ALKBH8: variants seen among roughly 807,000 people sequenced by gnomAD.
ALKBH8 encodes the protein alkB homolog 8, tRNA methyltransferase, also known as tRNA (carboxymethyluridine(34)-5-O)-methyltransferase ALKBH8.
In ALKBH8, 36 loss-of-function variants were observed where a neutral mutation model predicts 59.8. The ratio of observed to expected loss-of-function variants is 0.60; its 90% CI spans 0.46 to 0.79. The LOEUF (loss-of-function observed/expected upper bound fraction) is 0.79, where lower values mean the gene tolerates loss of function less well. Among genes scored for constraint, ALKBH8 ranks in the 30% least tolerant of loss-of-function variants. The pLI, the probability that ALKBH8 is intolerant of heterozygous loss-of-function variation, is 0.00. For synonymous variants in ALKBH8, 276 were observed against 273.6 expected (o/e 1.01, Z -0.09); for missense variants, 768 against 801.0 (o/e 0.96, Z 0.50).
chr11:107,524,839 T>A (rs79129769), intron 9 of ALKBH8, among the ~76,000 whole-genome samples: 2,030 of 152,290 alleles, frequency 0.013, 24 homozygotes, highest in South Asian at 0.034. Context: ...ATTACTATCA[T>A]TACAAAATAT....
chr11:107,511,142 A>C, intron 10 of ALKBH8, 106 bp from the exon 11 acceptor site: 1 of 1,157,864 alleles, frequency 8.6e-7, no homozygotes, highest in Non-Finnish European at 1.2e-6. Flanking sequence ...TACCATATTC[A>C]TTGTGAAATG....
rs1862246687 is a variant in ALKBH8 at position 107,503,197 on chromosome 11, C to T, written c.*1461G>A. 6.6e-6 allele frequency: 1 copy of T among 152,078 alleles called. No homozygotes were observed. Among genetic ancestry groups the T allele is most frequent in the South Asian group, 2.1e-4 (1 of 4,830 alleles). The allele number at this position is 152,078 out of a possible 1,614,324, so 9.4% of individuals were successfully genotyped here. ...ACCAGAATTTATATCAGAAATAAAACTATTTTTAGCCCTATATTCCTTTTC... is the reference window on the plus strand; with the variant it reads ...ACCAGAATTTATATCAGAAATAAAATTATTTTTAGCCCTATATTCCTTTTC... On this transcript the variant is annotated 3_prime_UTR_variant, in exon 12 of 12. Transcript: ENST00000428149.
intron 9 of ALKBH8, 43 bp downstream of exon 9, chr11:107,525,397 TA>T (rs1458635896): frequency 6.7e-7 from 1 of 1,489,128 alleles, no homozygotes. Flanking sequence ...ACTTTTATAT[TA>T]AACTGACTCC....
At chr11:107,542,033 A>G (rs974248758) in intron 7 of ALKBH8, among the ~76,000 whole-genome samples, 3 of 152,162 alleles carry the variant, frequency 2.0e-5, no homozygotes, top group South Asian at 4.1e-4. Flanking sequence ...GACAGAAGAA[A>G]CTATTTAGAG....
intron 1 of ALKBH8, among the ~76,000 whole-genome samples, chr11:107,563,096 A>C (rs926226490): frequency 1.2e-4 from 19 of 152,222 alleles, no homozygotes; most frequent in African/African-American, 4.6e-4. Context: ...TGAGATACAG[A>C]GTTGCAATGT....
At chr11:107,518,192 CATT>C (rs1245062972) in intron 10 of ALKBH8, among the ~76,000 whole-genome samples, 1 of 151,870 alleles carries the variant, frequency 6.6e-6, no homozygotes, top group Admixed American at 6.6e-5. Flanking sequence ...TTATATAAAA[CATT>C]AATAGGAAAA....
At chr11:107,522,626 TG>T in intron 9 of ALKBH8, 71 bp from the exon 10 acceptor site, 1 of 1,441,474 alleles carries the variant, frequency 6.9e-7, no homozygotes, top group Non-Finnish European at 9.1e-7. Context: ...TTTTCTTAAA[TG>T]AAAAAAAAAA....
At chr11:107,527,511 T>G (rs976629893) in intron 8 of ALKBH8, among the ~76,000 whole-genome samples, 1 of 152,058 alleles carries the variant, frequency 6.6e-6, no homozygotes, top group Non-Finnish European at 1.5e-5. Context: ...CATATTTCAC[T>G]CCATCTGTTG....
intron 3 of ALKBH8, among the ~76,000 whole-genome samples, chr11:107,555,283 T>A (rs1214356275): frequency 6.6e-6 from 1 of 152,082 alleles, no homozygotes; most frequent in Non-Finnish European, 1.5e-5. Context: ...AAAAACTATT[T>A]GTGACACACT....
chr11:107,535,486 T>A (rs961435773), intron 7 of ALKBH8, among the ~76,000 whole-genome samples: 1 of 152,196 alleles, frequency 6.6e-6, no homozygotes, highest in Admixed American at 6.5e-5. Context: ...GTGGTTTTGA[T>A]TTGCATTTCC....
intron 1 of ALKBH8, chr11:107,565,397 A>G (rs1169921216): frequency 4.7e-6 from 3 of 644,012 alleles, no homozygotes; most frequent in Non-Finnish European, 7.9e-6. Flanking sequence ...CCAAACACAA[A>G]CACATGCACC....
intron 11 of ALKBH8, 84 bp from the exon 12 acceptor site, chr11:107,505,299 T>C: frequency 9.6e-7 from 1 of 1,044,734 alleles, no homozygotes; most frequent in East Asian, 2.6e-5. Context: ...CTGTTTTCAA[T>C]TAGGATGAAC....
At chr11:107,508,460 A>T (rs191768998) in intron 11 of ALKBH8, among the ~76,000 whole-genome samples, 7 of 152,348 alleles carry the variant, frequency 4.6e-5, no homozygotes, top group African/African-American at 1.7e-4. Flanking sequence ...GGCGTGAGCC[A>T]CGACAGCTGG....
chr11:107,543,358 T>C (rs1440652657), intron 7 of ALKBH8, among the ~76,000 whole-genome samples: 1 of 152,142 alleles, frequency 6.6e-6, no homozygotes, highest in African/African-American at 2.4e-5. Context: ...GAATGTTAGA[T>C]ATTCAGGTCT....
At chr11:107,510,543 A>T (rs1293629033) in intron 11 of ALKBH8, among the ~76,000 whole-genome samples, 1 of 152,206 alleles carries the variant, frequency 6.6e-6, no homozygotes, top group Non-Finnish European at 1.5e-5. Flanking sequence ...GAGTATACTC[A>T]AGAAGCTTGG....
intron 7 of ALKBH8, among the ~76,000 whole-genome samples, chr11:107,535,582 T>TA (rs1863781595): frequency 6.6e-6 from 1 of 152,200 alleles, no homozygotes; most frequent in Non-Finnish European, 1.5e-5. Flanking sequence ...TTCATGTCCT[T>TA]AGCCCATTTT....
chr11:107,556,297 T>A (rs1156547282), intron 3 of ALKBH8, among the ~76,000 whole-genome samples: 5 of 151,268 alleles, frequency 3.3e-5, no homozygotes, highest in Non-Finnish European at 5.9e-5. Flanking sequence ...AAAAAATAAA[T>A]AAATAAATAA....
At chr11:107,513,871 A>C (rs1049289805) in intron 10 of ALKBH8, among the ~76,000 whole-genome samples, 2 of 152,148 alleles carry the variant, frequency 1.3e-5, no homozygotes, top group Non-Finnish European at 2.9e-5. Context: ...AGGGAACAAG[A>C]GACACTGGGG....
chr11:107,518,435 C>G (rs1270285993), intron 10 of ALKBH8, among the ~76,000 whole-genome samples: 1 of 152,198 alleles, frequency 6.6e-6, no homozygotes, highest in Non-Finnish European at 1.5e-5. Context: ...CAAAATCTGG[C>G]CATAAACTGG....
Sources: allele counts gnomAD v4.1 joint callset (sites outside exome capture counted in the v4.1 genomes callset), GRCh38; gene constraint gnomAD v4.1.1; transcripts MANE v1.5; gene names NCBI Gene and HGNC (gene_info 2026-07-23, HGNC 2026-07-21).